The following BCR variants were observed in gnomAD, a reference collection of about 807,000 sequenced individuals.
The protein encoded by BCR is breakpoint cluster region protein.
BCR carries 58 observed loss-of-function variants against 138.6 expected under a neutral mutation model. The observed-to-expected ratio is 0.42, with a 90% CI of 0.34 to 0.52. The LOEUF (loss-of-function observed/expected upper bound fraction) is 0.52, where lower values mean the gene tolerates loss of function less well. Ranked by LOEUF, BCR falls within the 20% of genes least tolerant of loss-of-function variation. The pLI is 0.06. For missense variants in BCR, 1,599 were observed against 1,727.2 expected, an observed-to-expected ratio of 0.93 and a Z score of 1.32; for synonymous variants, 786 against 730.1, an observed-to-expected ratio of 1.08 and a Z score of -1.23.
At chr22:23,238,247 A>T (rs1416439209) in intron 1 of BCR, among the ~76,000 whole-genome samples, 3 of 151,912 alleles carry the variant, frequency 2.0e-5, no homozygotes, top group Non-Finnish European at 4.4e-5. Flanking sequence ...GAACAGAGGG[A>T]ATTATATTTC....
chr22:23,315,759 G>T lies in BCR; in HGVS notation c.*237G>T, dbSNP rs752326730. 6 of 597,138 alleles carry T rather than the reference G, an allele frequency of 1.0e-5. No individual in the cohort carries two copies. The highest frequency in any genetic ancestry group is 1.2e-5 in the Non-Finnish European group (4 of 321,868). 37.0% of individuals were successfully genotyped at this position (597,138 alleles called of 1,614,324 possible). A position where few individuals can be genotyped will look rare whatever the true frequency, so the allele number is the denominator to read the frequency against. ...GTTTTTTATGTGGCCACCTGAGGGCGCCCCAAGCCAGTTCATCTCGGAGTC... is the reference window on the plus strand; with the variant it reads ...GTTTTTTATGTGGCCACCTGAGGGCTCCCCAAGCCAGTTCATCTCGGAGTC... On this transcript the variant is annotated 3_prime_UTR_variant, in exon 23 of 23. Transcript: ENST00000305877.
At chr22:23,300,482 A>G (rs2073891490) in intron 16 of BCR, among the ~76,000 whole-genome samples, 1 of 152,160 alleles carries the variant, frequency 6.6e-6, no homozygotes, top group Admixed American at 6.5e-5. Context: ...TGAGGCTGGC[A>G]TGGTCAGTGC....
chr22:23,237,988 A>G (rs1169851786), intron 1 of BCR, among the ~76,000 whole-genome samples: 2 of 152,168 alleles, frequency 1.3e-5, no homozygotes, highest in Non-Finnish European at 2.9e-5. Context: ...AATTATGACA[A>G]GTGATGCTTG....
chr22:23,193,218 C>T (rs922558189), intron 1 of BCR, among the ~76,000 whole-genome samples: 1 of 152,210 alleles, frequency 6.6e-6, no homozygotes, highest in African/African-American at 2.4e-5. Context: ...GATGAGCATT[C>T]GAAGCAACCT....
intron 4 of BCR, among the ~76,000 whole-genome samples, chr22:23,265,874 G>T (rs554611399): frequency 1.3e-5 from 2 of 152,276 alleles, no homozygotes; most frequent in African/African-American, 4.8e-5. Flanking sequence ...TCAAATTCAG[G>T]AAATTTCACA....
At chr22:23,263,699 C>T in intron 4 of BCR, 2 of 1,391,134 alleles carry the variant, frequency 1.4e-6, no homozygotes, top group East Asian at 2.3e-5. Flanking sequence ...AGCACCTTCG[C>T]TGCCAAGTAC....
chr22:23,257,873 G>A (rs908068423), intron 2 of BCR, among the ~76,000 whole-genome samples: 1 of 152,168 alleles, frequency 6.6e-6, no homozygotes, highest in East Asian at 1.9e-4. Flanking sequence ...TCATAAAAAC[G>A]CAGCCAACAC....
At chr22:23,279,669 T>C (rs1432056227) in intron 8 of BCR, among the ~76,000 whole-genome samples, 1 of 152,234 alleles carries the variant, frequency 6.6e-6, no homozygotes, top group African/African-American at 2.4e-5. Context: ...CTATGTGGGC[T>C]TCTTTGGCAA....
At chr22:23,292,497 T>C (rs749977235) in intron 14 of BCR, 44 bp from the exon 15 acceptor site, 1 of 1,430,818 alleles carries the variant, frequency 7.0e-7, no homozygotes, top group South Asian at 1.2e-5. Context: ...GTGGGTGATG[T>C]GGAAAAGACC....
rs1568975765 is a variant in BCR at position 23,289,704 on chromosome 22, G to GTCCC, written c.2707+83_2707+84insTCCC. ...GAAGGCTGATCCCCCCTTCCTGTTA[G>GTCCC]CACTTTTGATGGGACTAGTGGACTT... is the stretch of plus-strand genomic sequence containing the variant. On this transcript the variant is annotated intron_variant, in intron 13 of 22. Coordinates refer to ENST00000305877, the MANE Select transcript of BCR (RefSeq NM_004327.4). 3 of 1,213,922 alleles carry GTCCC rather than the reference G, an allele frequency of 2.5e-6. No homozygotes were observed. The South Asian group carries it at 3.8e-5, about 15-fold the overall frequency. 75.2% of individuals were successfully genotyped at this position (1,213,922 alleles called of 1,614,324 possible). A position where few individuals can be genotyped will look rare whatever the true frequency, so the allele number is the denominator to read the frequency against.
chr22:23,290,620 C>T (rs1188465996), intron 14 of BCR: 2 of 564,370 alleles, frequency 3.5e-6, no homozygotes, highest in Non-Finnish European at 6.4e-6. Context: ...TGCCCTCTCC[C>T]CTAGCCTGTC....
chr22:23,264,646 G>T, intron 4 of BCR: 1 of 254,596 alleles, frequency 3.9e-6, no homozygotes, highest in South Asian at 5.5e-5. Flanking sequence ...CAAGGATCTG[G>T]CCTGGAGAGG....
In BCR at chr22:23,273,496, C is replaced by T. The variant is rs978900646; in HGVS notation, c.1975-138C>T. Reference sequence around the variant, plus strand: ...ACAAGCTCTGTCCACAAAGCTGGGGCCCAAGTGAGAGAGACTGTGGTGACA... The same window carrying T: ...ACAAGCTCTGTCCACAAAGCTGGGGTCCAAGTGAGAGAGACTGTGGTGACA... On this transcript the variant is annotated intron_variant, in intron 7 of 22. Transcript: ENST00000305877. 8.4e-6 allele frequency: 10 copies of T among 1,190,682 alleles called. No individual in the cohort carries two copies. In the African/African-American group the frequency reaches 1.4e-4, roughly 16 times the overall value. 73.8% of individuals were successfully genotyped at this position (1,190,682 alleles called of 1,614,324 possible).
chr22:23,231,175 A>C (rs976231896), intron 1 of BCR, among the ~76,000 whole-genome samples: 2 of 152,072 alleles, frequency 1.3e-5, no homozygotes, highest in African/African-American at 4.8e-5. Context: ...TTTTGAGACA[A>C]TTCCCTTCCT....
chr22:23,284,314 G>A (rs2073684727), intron 9 of BCR, among the ~76,000 whole-genome samples: 1 of 152,052 alleles, frequency 6.6e-6, no homozygotes, highest in South Asian at 2.1e-4. Context: ...GTAGTGAGGG[G>A]TAAACCCGAC....
At chr22:23,255,149 T>C (rs376442847) in intron 2 of BCR, among the ~76,000 whole-genome samples, 15 of 152,214 alleles carry the variant, frequency 9.9e-5, no homozygotes, top group African/African-American at 2.9e-4. Flanking sequence ...GGGGCTGACA[T>C]GTTAGCTGCA....
At chr22:23,261,864 G>A in intron 4 of BCR, 1 of 176,914 alleles carries the variant, frequency 5.7e-6, no homozygotes, top group Non-Finnish European at 1.2e-5. Flanking sequence ...CAGCACGGGA[G>A]TTTTGACCTC....
At chr22:23,194,664 G>A (rs900440132) in intron 1 of BCR, among the ~76,000 whole-genome samples, 9 of 151,832 alleles carry the variant, frequency 5.9e-5, no homozygotes, top group South Asian at 4.2e-4. Flanking sequence ...CACCCACCTC[G>A]GCCTCCCAAA....
intron 8 of BCR, among the ~76,000 whole-genome samples, chr22:23,278,096 C>T (rs1032548197): frequency 6.6e-6 from 1 of 152,218 alleles, no homozygotes; most frequent in African/African-American, 2.4e-5. Flanking sequence ...AACCAATCCC[C>T]ACTGCTGGGT....
Sources: gnomAD v4.1 joint callset for allele counts (sites outside exome capture counted in the v4.1 genomes callset) on GRCh38, gnomAD v4.1.1 for gene constraint, MANE v1.5 for transcripts, NCBI Gene and HGNC (gene_info 2026-07-23, HGNC 2026-07-21) for gene names.